NAALADL2: variants seen among roughly 807,000 people sequenced by gnomAD.
The protein encoded by NAALADL2 is N-acetylated alpha-linked acidic dipeptidase like 2.
In NAALADL2, 76 loss-of-function variants were observed where a neutral mutation model predicts 87.2. The observed-to-expected ratio is 0.87, with a 90% CI of 0.72 to 1.05. The LOEUF (loss-of-function observed/expected upper bound fraction) is 1.05. Ranked by LOEUF, NAALADL2 falls within the 50% of genes least tolerant of loss-of-function variation. The probability of loss-of-function intolerance (pLI) is 0.00; values close to 1 mark genes in which losing one functional copy is unlikely to be tolerated. For missense variants in NAALADL2, 1,089 were observed against 945.8 expected, an observed-to-expected ratio of 1.15 and a Z score of -1.99; for synonymous variants, 354 against 331.0, an observed-to-expected ratio of 1.07 and a Z score of -0.75.
At chr3:175,675,961 T>C (rs1265444618) in intron 11 of NAALADL2, 2 of 152,196 alleles carry the variant, frequency 1.3e-5, no homozygotes. Flanking sequence ...AACATAGTTT[T>C]TCAGGAAATC....
upstream of NAALADL2, among the ~76,000 whole-genome samples, chr3:174,854,838 T>TC (rs1315159865): frequency 1.4e-5 from 1 of 70,966 alleles, no homozygotes; most frequent in Non-Finnish European, 2.9e-5. Context: ...TTTTTTTCTT[T>TC]TTTTTTTTTT....
At chr3:174,863,985 T>A (rs1284192119) in intron 1 of NAALADL2, 6 of 448,450 alleles carry the variant, frequency 1.3e-5, no homozygotes, top group African/African-American at 8.1e-5. Flanking sequence ...CATCTTGGAG[T>A]TGAAATTTCC....
At chr3:174,620,735 A>G (rs1457075274) in intron 2 of NAALADL2, among the ~76,000 whole-genome samples, 1 of 152,074 alleles carries the variant, frequency 6.6e-6, no homozygotes, top group Non-Finnish European at 1.5e-5. Context: ...ACTGGTTATG[A>G]AAGTGATATT....
At chr3:174,463,476 G>C (rs574690125) in intron 1 of NAALADL2, among the ~76,000 whole-genome samples, 3 of 152,074 alleles carry the variant, frequency 2.0e-5, no homozygotes, top group Admixed American at 6.6e-5. Context: ...TTAAGAAATA[G>C]CTATCAAATT....
At chr3:175,050,197 G>A (rs191653131) in intron 1 of NAALADL2, among the ~76,000 whole-genome samples, 4 of 152,274 alleles carry the variant, frequency 2.6e-5, no homozygotes, top group Admixed American at 2.6e-4. Flanking sequence ...CTGGCAACCC[G>A]TGATACTGAG....
At chr3:174,568,996 A>C (rs1012901656) in intron 2 of NAALADL2, among the ~76,000 whole-genome samples, 1 of 151,658 alleles carries the variant, frequency 6.6e-6, no homozygotes, top group Non-Finnish European at 1.5e-5. Context: ...TGTCCAATGC[A>C]TGCTATACCT....
intron 2 of NAALADL2, among the ~76,000 whole-genome samples, chr3:175,179,435 A>G (rs976905000): frequency 6.6e-6 from 1 of 151,980 alleles, no homozygotes; most frequent in African/African-American, 2.4e-5. Flanking sequence ...ACCACTATGG[A>G]CTATAATTTA....
At chr3:175,043,852 G>C (rs1754367208) in intron 1 of NAALADL2, among the ~76,000 whole-genome samples, 1 of 152,094 alleles carries the variant, frequency 6.6e-6, no homozygotes, top group Admixed American at 6.6e-5. Flanking sequence ...GATTGCTTTA[G>C]CTATTGAGTT....
chr3:175,381,445 ATTTG>A (rs1412108519), intron 5 of NAALADL2, among the ~76,000 whole-genome samples: 2 of 151,920 alleles, frequency 1.3e-5, no homozygotes, highest in African/African-American at 4.8e-5. Flanking sequence ...GTATTTTAAT[ATTTG>A]TTTTAAGCCT....
chr3:175,696,435 G>C (rs888614519), intron 11 of NAALADL2, among the ~76,000 whole-genome samples: 1 of 152,078 alleles, frequency 6.6e-6, no homozygotes, highest in Non-Finnish European at 1.5e-5. Flanking sequence ...CTTTTAGCCA[G>C]GGCTTGAGAG....
In NAALADL2 at chr3:175,737,386, A is replaced by G. The variant is rs1305143721; in HGVS notation, c.1977A>G (p.Gln659=). The part of the protein sequence containing the change: ...FNALDIALEV[Q]NNLKGDQPNT... ...CACTTGATATAGCTTTAGAAGTTCA[A>G]AACAACCTTAAAGGTAATTTTCCTT... is the stretch of plus-strand genomic sequence containing the variant. Residue 659 remains glutamine (Q), a synonymous_variant, in exon 12 of 14, where the codon CAA becomes CAG. Transcript: ENST00000454872. 6.3e-7 allele frequency: 1 copy of G among 1,595,844 alleles called. No homozygotes were observed. The highest frequency in any genetic ancestry group is 1.1e-5 in the South Asian group (1 of 90,174).
chr3:175,556,408 T>G (rs1423212119), intron 9 of NAALADL2, among the ~76,000 whole-genome samples: 1 of 152,104 alleles, frequency 6.6e-6, no homozygotes, highest in Non-Finnish European at 1.5e-5. Flanking sequence ...ACTATAAAAA[T>G]GTAAGATTCT....
chr3:175,092,433 G>A (rs965528627), intron 1 of NAALADL2, among the ~76,000 whole-genome samples: 3 of 151,838 alleles, frequency 2.0e-5, no homozygotes, highest in African/African-American at 7.2e-5. Flanking sequence ...AGTGGCATAA[G>A]TAATATGTAA....
chr3:174,796,106 A>T (rs1201324643), intron 3 of NAALADL2, among the ~76,000 whole-genome samples: 1 of 152,198 alleles, frequency 6.6e-6, no homozygotes, highest in African/African-American at 2.4e-5. Flanking sequence ...ATAGTAGAAG[A>T]GAGACAGATA....
At chr3:174,725,620 T>C (rs1006931187) in intron 2 of NAALADL2, among the ~76,000 whole-genome samples, 1 of 152,228 alleles carries the variant, frequency 6.6e-6, no homozygotes, top group Non-Finnish European at 1.5e-5. Context: ...CTGAATCTGA[T>C]ATTATTGCAA....
intron 13 of NAALADL2, among the ~76,000 whole-genome samples, chr3:175,798,901 G>A (rs2108335943): frequency 6.6e-6 from 1 of 152,040 alleles, no homozygotes; most frequent in Non-Finnish European, 1.5e-5. Context: ...CATTCAATAA[G>A]CACATAATGT....
intron 3 of NAALADL2, among the ~76,000 whole-genome samples, chr3:174,839,590 A>G (rs1039901542): frequency 6.6e-5 from 10 of 152,190 alleles, no homozygotes; most frequent in Admixed American, 6.5e-4. Flanking sequence ...TTCACAATCT[A>G]TACATCTGAC....
intron 5 of NAALADL2, among the ~76,000 whole-genome samples, chr3:175,441,860 G>A (rs987626829): frequency 6.6e-6 from 1 of 152,080 alleles, no homozygotes; most frequent in Non-Finnish European, 1.5e-5. Flanking sequence ...ATCTCAGCAT[G>A]TGAGATTTCT....
At chr3:175,198,430 T>C (rs1347691588) in intron 2 of NAALADL2, among the ~76,000 whole-genome samples, 1 of 152,084 alleles carries the variant, frequency 6.6e-6, no homozygotes, top group African/African-American at 2.4e-5. Context: ...AATCATTAGT[T>C]CCCAAAATTT....
Sources: gnomAD v4.1 joint callset for allele counts (sites outside exome capture counted in the v4.1 genomes callset) on GRCh38, gnomAD v4.1.1 for gene constraint, MANE v1.5 for transcripts, NCBI Gene and HGNC (gene_info 2026-07-23, HGNC 2026-07-21) for gene names.